PRNP: variants seen among roughly 807,000 people sequenced by gnomAD.
The protein encoded by PRNP is major prion protein.
In PRNP, 15 loss-of-function variants were observed where a neutral mutation model predicts 21.3. That is an observed-to-expected ratio of 0.71 (90% CI 0.47 to 1.09). PRNP has a LOEUF of 1.09. Ranked by LOEUF, PRNP falls within the 50% of genes least tolerant of loss-of-function variation. PRNP has a pLI of 0.00. For synonymous variants in PRNP, 121 were observed against 123.1 expected, an observed-to-expected ratio of 0.98 and a Z score of 0.11; for missense variants, 285 against 340.9, an observed-to-expected ratio of 0.84 and a Z score of 1.29.
intron 1 of PRNP, among the ~76,000 whole-genome samples, chr20:4,693,985 C>T (rs1473064449): frequency 1.3e-5 from 2 of 149,982 alleles, no homozygotes; most frequent in Non-Finnish European, 3.0e-5. Flanking sequence ...ACCTGTGGTC[C>T]CAGCTACTCA....
intron 1 of PRNP, among the ~76,000 whole-genome samples, chr20:4,695,440 G>A (rs539037924): frequency 1.8e-4 from 28 of 152,186 alleles, no homozygotes; most frequent in African/African-American, 4.3e-4. Flanking sequence ...ACATGATCTC[G>A]TTCTTTTCTG....
At chr20:4,695,722 T>C (rs997785521) in intron 1 of PRNP, among the ~76,000 whole-genome samples, 1 of 152,240 alleles carries the variant, frequency 6.6e-6, no homozygotes, top group African/African-American at 2.4e-5. Flanking sequence ...GTGCTTTTTG[T>C]TTAAAAAGTT....
chr20:4,696,494 G>A (rs895933888), intron 1 of PRNP, among the ~76,000 whole-genome samples: 4 of 152,168 alleles, frequency 2.6e-5, no homozygotes, highest in East Asian at 1.9e-4. Context: ...GCACTCTAGC[G>A]TTGGTTCTCA....
At chr20:4,688,680 T>C (rs1321053685) in intron 1 of PRNP, among the ~76,000 whole-genome samples, 1 of 152,204 alleles carries the variant, frequency 6.6e-6, no homozygotes, top group Non-Finnish European at 1.5e-5. Flanking sequence ...ATGAACATTA[T>C]GTAACCACTA....
At chr20:4,689,190 C>T (rs377102469) in intron 1 of PRNP, among the ~76,000 whole-genome samples, 1 of 152,094 alleles carries the variant, frequency 6.6e-6, no homozygotes, top group Admixed American at 6.5e-5. Context: ...CTGAGCTTTC[C>T]GTCTTCCTGG....
intron 1 of PRNP, among the ~76,000 whole-genome samples, chr20:4,693,942 C>CAAAAAAA (rs34756298): frequency 8.0e-6 from 1 of 124,334 alleles, no homozygotes. Flanking sequence ...ATTAAAAATA[C>CAAAAAAA]AAAAAAAAAA....
intron 1 of PRNP, among the ~76,000 whole-genome samples, chr20:4,692,032 C>T (rs6084832): frequency 0.049 from 7,515 of 152,186 alleles, 219 homozygotes; most frequent in Admixed American, 0.085. Context: ...CTAAATCTCC[C>T]GTCCAAAAAT....
chr20:4,694,227 A>G (rs940453075), intron 1 of PRNP, among the ~76,000 whole-genome samples: 4 of 150,358 alleles, frequency 2.7e-5, no homozygotes, highest in African/African-American at 7.4e-5. Flanking sequence ...CTGGCTGGGC[A>G]TGGTGGCTCA....
chr20:4,693,962 C>T (rs951821370), intron 1 of PRNP, among the ~76,000 whole-genome samples: 1 of 140,124 alleles, frequency 7.1e-6, no homozygotes, highest in East Asian at 2.0e-4. Context: ...AAAAACCAGG[C>T]GTGGTGTTGC....
At chr20:4,693,133 G>A (rs548336746) in intron 1 of PRNP, among the ~76,000 whole-genome samples, 1 of 152,228 alleles carries the variant, frequency 6.6e-6, no homozygotes, top group East Asian at 1.9e-4. Context: ...CCCTGGTTAT[G>A]GAAGTCCCAG....
At chr20:4,695,249 C>T (rs925002895) in intron 1 of PRNP, among the ~76,000 whole-genome samples, 1 of 152,040 alleles carries the variant, frequency 6.6e-6, no homozygotes, top group Non-Finnish European at 1.5e-5. Context: ...AGGTACTAAG[C>T]CTAGTACCCA....
At chr20:4,694,797 C>T (rs979707893) in intron 1 of PRNP, among the ~76,000 whole-genome samples, 2 of 152,146 alleles carry the variant, frequency 1.3e-5, no homozygotes, top group African/African-American at 2.4e-5. Flanking sequence ...TCCAAATCCT[C>T]ACATTTTTCA....
intron 1 of PRNP, among the ~76,000 whole-genome samples, chr20:4,687,289 C>A (rs1236778375): frequency 6.6e-6 from 1 of 152,104 alleles, no homozygotes; most frequent in African/African-American, 2.4e-5. Context: ...GGAGGCCCCA[C>A]CCTCTGTTCT....
Position 4,697,752 on chromosome 20 carries a change from G to A in PRNP, c.-10-1459G>A, listed in dbSNP as rs1428900536. On this transcript the variant is annotated intron_variant, in intron 1 of 1. Coordinates refer to ENST00000379440, the MANE Select transcript of PRNP (RefSeq NM_000311.5). This position sits in a 1 kb window ranked among gnomAD's most constrained non-coding sequence, Gnocchi z 4.6. Reference sequence around the variant, plus strand: ...GCATATTAAGAGGAGAGCGCTCAATGGCAGCCAGGGGAGGAGCAGGGAGGC... The same window carrying A: ...GCATATTAAGAGGAGAGCGCTCAATAGCAGCCAGGGGAGGAGCAGGGAGGC... 1.3e-5 allele frequency among the ~76,000 whole-genome samples: 2 copies of A among 152,212 alleles called. No homozygotes were observed. Among genetic ancestry groups the A allele is most frequent in the African/African-American group, 4.8e-5 (2 of 41,454 alleles).
chr20:4,688,485 T>C (rs1391924803), intron 1 of PRNP, among the ~76,000 whole-genome samples: 3 of 152,168 alleles, frequency 2.0e-5, no homozygotes, highest in Admixed American at 1.3e-4. Context: ...TGGTGATGCA[T>C]TAAGAAGCTG....
chr20:4,695,125 T>G (rs1265466199), intron 1 of PRNP, among the ~76,000 whole-genome samples: 1 of 152,164 alleles, frequency 6.6e-6, no homozygotes, highest in Non-Finnish European at 1.5e-5. Context: ...TGAACAAGAA[T>G]CTTTACATTT....
At position 4,700,086 on chromosome 20, in the gene PRNP, C is replaced by G; in HGVS notation, c.*104C>G. 6.4e-7 allele frequency: 1 copy of G among 1,550,664 alleles called. No homozygotes were observed. Among genetic ancestry groups the G allele is most frequent in the Non-Finnish European group, 8.7e-7 (1 of 1,146,964 alleles). On this transcript the variant is annotated 3_prime_UTR_variant, in exon 2 of 2. Transcript: ENST00000379440. This position sits in a 1 kb window ranked among gnomAD's most constrained non-coding sequence, Gnocchi z 4.1. ...GTGGTGGTGTCTCACTCTTTCTTCT[C>G]TCTTTGTCCCGGATAGGCTAATCAA...
intron 1 of PRNP, among the ~76,000 whole-genome samples, chr20:4,690,167 A>C (rs1358608172): frequency 6.6e-6 from 1 of 152,180 alleles, no homozygotes. Flanking sequence ...TTCAGCTTAC[A>C]TCAAGTTCTT....
rs1412795882 is a variant in PRNP at position 4,699,969 on chromosome 20, T to C, written c.749T>C (p.Leu250Pro). The change falls in exon 2 of 2, where the codon CTG becomes CCG. Residue 250 changes from leucine (L) to proline (P), a missense_variant. By Grantham distance (98) the Leu-to-Pro change is moderately conservative. Transcript: ENST00000379440. This position sits in a 1 kb window ranked among gnomAD's most constrained non-coding sequence, Gnocchi z 5.8. ...CTCCTGATCTCTTTCCTCATCTTCC[T>C]GATAGTGGGATGAGGAAGGTCTTCC... ...VILLISFLIFLIVG is the reference protein window; with the variant it reads ...VILLISFLIFPIVG 2.5e-6 allele frequency: 4 copies of C among 1,611,668 alleles called. No individual in the cohort carries two copies. Among genetic ancestry groups the C allele is most frequent in the Non-Finnish European group, 3.4e-6 (4 of 1,178,808 alleles).
Sources: allele counts gnomAD v4.1 joint callset (sites outside exome capture counted in the v4.1 genomes callset), GRCh38; gene constraint gnomAD v4.1.1; non-coding constraint Gnocchi (gnomAD v3.1); transcripts MANE v1.5; gene names NCBI Gene and HGNC (gene_info 2026-07-23, HGNC 2026-07-21).